NTRK2: variants seen among roughly 807,000 people sequenced by gnomAD.
NTRK2 encodes BDNF/NT-3 growth factors receptor.
In NTRK2, 13 loss-of-function variants were observed where a neutral mutation model predicts 94.5. That is an observed-to-expected ratio of 0.14 (90% CI 0.09 to 0.22). The LOEUF (loss-of-function observed/expected upper bound fraction) is 0.22, where lower values mean the gene tolerates loss of function less well. Ranked by LOEUF, NTRK2 falls within the 10% of genes least tolerant of loss-of-function variation. NTRK2 has a pLI of 1.00. For synonymous variants in NTRK2, 372 were observed against 407.4 expected, an observed-to-expected ratio of 0.91 and a Z score of 1.05; for missense variants, 639 against 1,071.2, an observed-to-expected ratio of 0.60 and a Z score of 5.63.
chr9:84,774,792 G>A (rs546577261), intron 12 of NTRK2, among the ~76,000 whole-genome samples: 41 of 152,136 alleles, frequency 2.7e-4, no homozygotes, highest in Non-Finnish European at 5.9e-4. Context: ...AAAAGAAATA[G>A]TCACTAACAT....
Position 84,997,116 on chromosome 9 carries a change from A to G in NTRK2, c.2173-23090A>G, listed in dbSNP as rs375603091. On this transcript the variant is annotated intron_variant, in intron 17 of 18. Transcript: ENST00000277120. The stretch of plus-strand genomic sequence containing the variant: ...TACAGTCCTTGTAAAGCCAGTGTCT[A>G]TCAGCTCCTGAGTTGCTGTTGATTT... Among the ~76,000 whole-genome samples, 62 of 152,304 alleles carry G rather than the reference A, an allele frequency of 4.1e-4. 1 individual carries two copies. Among genetic ancestry groups the G allele is most frequent in the African/African-American group, 1.4e-3 (60 of 41,570 alleles).
chr9:84,834,445 G>A (rs1377809337), intron 12 of NTRK2, among the ~76,000 whole-genome samples: 3 of 152,134 alleles, frequency 2.0e-5, no homozygotes, highest in Non-Finnish European at 4.4e-5. Context: ...GAGCCCCAAA[G>A]TGTTAGTCCC....
Position 85,003,364 on chromosome 9 carries a change from G to C in NTRK2, c.2173-16842G>C, listed in dbSNP as rs116044436. Among the ~76,000 whole-genome samples the C allele has an allele frequency of 2.1e-3, 318 of 152,292 alleles. 4 individuals are homozygous for C. Among genetic ancestry groups the C allele is most frequent in the African/African-American group, 6.6e-3 (276 of 41,548 alleles). ...TATACTGAGTACTAGAGCTACAGCAGCAAACAAGACCATGAAAGCTTGTTC... is the reference window on the plus strand; with the variant it reads ...TATACTGAGTACTAGAGCTACAGCACCAAACAAGACCATGAAAGCTTGTTC... On this transcript the variant is annotated intron_variant, in intron 17 of 18. Transcript: ENST00000277120.
At chr9:84,778,717 A>C (rs2067282321) in intron 12 of NTRK2, among the ~76,000 whole-genome samples, 1 of 152,230 alleles carries the variant, frequency 6.6e-6, no homozygotes, top group Non-Finnish European at 1.5e-5. Context: ...CTGCAGCTTC[A>C]GTGAAGCTCA....
At chr9:84,824,539 A>G (rs886407839) in intron 12 of NTRK2, among the ~76,000 whole-genome samples, 3 of 152,230 alleles carry the variant, frequency 2.0e-5, no homozygotes, top group East Asian at 3.8e-4. Context: ...GGGGCAGCCC[A>G]ACAGGAGCAA....
chr9:84,967,613 G>A (rs1825704704), intron 17 of NTRK2, among the ~76,000 whole-genome samples: 1 of 152,260 alleles, frequency 6.6e-6, no homozygotes, highest in Admixed American at 6.5e-5. Context: ...AGGGGGTGGA[G>A]AACATGACGC....
intron 12 of NTRK2, among the ~76,000 whole-genome samples, chr9:84,767,352 A>G (rs1276268479): frequency 6.6e-6 from 1 of 152,220 alleles, no homozygotes; most frequent in Non-Finnish European, 1.5e-5. Flanking sequence ...CTTTTTGCAT[A>G]GCATTCCTTT....
chr9:84,869,019 CCAA>C (rs1291400550), intron 14 of NTRK2, among the ~76,000 whole-genome samples: 1 of 152,062 alleles, frequency 6.6e-6, no homozygotes, highest in Non-Finnish European at 1.5e-5. Context: ...CCCGATCAGC[CCAA>C]CAAGTCCAGT....
At chr9:84,909,484 G>GT (rs532337568) in intron 14 of NTRK2, among the ~76,000 whole-genome samples, 269 of 147,008 alleles carry the variant, frequency 1.8e-3, no homozygotes, top group African/African-American at 5.4e-3. Flanking sequence ...AGTTTTAGTT[G>GT]TTTTTTTTTT....
chr9:85,017,404 G>A (rs947284363), intron 17 of NTRK2, among the ~76,000 whole-genome samples: 3 of 152,176 alleles, frequency 2.0e-5, no homozygotes, highest in South Asian at 4.2e-4. Flanking sequence ...GTAAGTGAGC[G>A]ATTGGAAACC....
At chr9:84,859,659 A>G (rs1381745293) in intron 12 of NTRK2, among the ~76,000 whole-genome samples, 3 of 152,252 alleles carry the variant, frequency 2.0e-5, no homozygotes, top group Non-Finnish European at 4.4e-5. Flanking sequence ...TGAAAAAAAC[A>G]GGCTTAAAAA....
intron 14 of NTRK2, among the ~76,000 whole-genome samples, chr9:84,921,040 A>G (rs1304203511): frequency 1.3e-5 from 2 of 152,300 alleles, no homozygotes; most frequent in East Asian, 3.9e-4. Context: ...TTTATCACCC[A>G]GAGTAAGTAG....
intron 18 of NTRK2, 49 bp from the exon 19 acceptor site, chr9:85,021,203 T>C (rs780386372): frequency 9.1e-6 from 14 of 1,533,610 alleles, no homozygotes; most frequent in Non-Finnish European, 1.3e-5. Context: ...ATTTCTTCGA[T>C]GTGCATTGCT....
At chr9:84,709,768 C>T (rs1659401) in intron 5 of NTRK2, among the ~76,000 whole-genome samples, 90,356 of 151,992 alleles carry the variant, frequency 0.59, 27,088 homozygotes, top group East Asian at 0.71. Context: ...CTGAGTATTA[C>T]AAATAAGCAT....
At chr9:84,670,064 C>T (rs2058604367) in intron 1 of NTRK2, among the ~76,000 whole-genome samples, 176 bp downstream of exon 1, 1 of 151,994 alleles carries the variant, frequency 6.6e-6, no homozygotes, top group Non-Finnish European at 1.5e-5. Flanking sequence ...GCCAAAGCCG[C>T]CGGCAGTCTC....
chr9:84,699,315 C>T (rs530571593), intron 2 of NTRK2, among the ~76,000 whole-genome samples: 6 of 152,276 alleles, frequency 3.9e-5, no homozygotes, highest in South Asian at 2.1e-4. Context: ...GGATTACAGG[C>T]GTGAGGCACT....
intron 12 of NTRK2, among the ~76,000 whole-genome samples, chr9:84,834,971 T>C (rs1208970115): frequency 6.6e-6 from 1 of 152,244 alleles, no homozygotes; most frequent in African/African-American, 2.4e-5. Flanking sequence ...GTGGCATTTT[T>C]GCACAGCTGA....
chr9:84,885,651 A>G (rs1260959552), intron 14 of NTRK2, among the ~76,000 whole-genome samples: 1 of 152,224 alleles, frequency 6.6e-6, no homozygotes, highest in African/African-American at 2.4e-5. Flanking sequence ...TATGAGACTT[A>G]TTGGAACCCA....
At chr9:84,720,838 A>T (rs2062013094) in intron 6 of NTRK2, among the ~76,000 whole-genome samples, 1 of 152,210 alleles carries the variant, frequency 6.6e-6, no homozygotes, top group South Asian at 2.1e-4. Flanking sequence ...GGGAATAAAA[A>T]ATTGACAGAG....
Sources: gnomAD v4.1 joint callset for allele counts (sites outside exome capture counted in the v4.1 genomes callset) on GRCh38, gnomAD v4.1.1 for gene constraint, MANE v1.5 for transcripts, NCBI Gene and HGNC (gene_info 2026-07-23, HGNC 2026-07-21) for gene names.